ELP1: variants seen among roughly 807,000 people sequenced by gnomAD.
ELP1 encodes the protein elongator acetyltransferase complex subunit 1, also known as elongator complex protein 1.
Under a neutral mutation model 183.2 loss-of-function variants are expected in ELP1, and 131 were observed. The observed-to-expected ratio is 0.72, with a 90% CI of 0.62 to 0.83. The LOEUF (loss-of-function observed/expected upper bound fraction) is 0.83, where lower values mean the gene tolerates loss of function less well. Ranked by LOEUF, ELP1 falls within the 40% of genes least tolerant of loss-of-function variation. The pLI, the probability that ELP1 is intolerant of heterozygous loss-of-function variation, is 0.00. For missense variants in ELP1, 1,550 were observed against 1,594.9 expected (o/e 0.97, Z 0.48); for synonymous variants, 555 against 569.0 (o/e 0.98, Z 0.35).
chr9:108,882,214 C>A, intron 29 of ELP1, 27 bp from the exon 30 acceptor site: 1 of 1,604,500 alleles, frequency 6.2e-7, no homozygotes, highest in Non-Finnish European at 8.5e-7. Flanking sequence ...AAGAAGACAA[C>A]AAGTGAAGAG....
intron 35 of ELP1, among the ~76,000 whole-genome samples, chr9:108,877,444 C>A (rs948688403): frequency 1.3e-5 from 2 of 152,116 alleles, no homozygotes; most frequent in African/African-American, 4.8e-5. Context: ...TAACAATAGA[C>A]TTGAAGTATA....
rs559086783 is a variant in ELP1 at position 108,912,890 on chromosome 9, G to A, written c.959-396C>T. On this transcript the variant is annotated intron_variant, in intron 10 of 36. Coordinates refer to ENST00000374647, the MANE Select transcript of ELP1 (RefSeq NM_003640.5). Reference sequence around the variant, plus strand: ...CTGCCTCAGCCTCTCGAGTAGCTAGGACTACAGGCGCCCACCACCACACCC... The same window carrying A: ...CTGCCTCAGCCTCTCGAGTAGCTAGAACTACAGGCGCCCACCACCACACCC... 6.9e-4 allele frequency among the ~76,000 whole-genome samples: 104 copies of A among 150,616 alleles called. 4 individuals are homozygous for A. The South Asian group carries it at 0.021, about 31-fold the overall frequency.
intron 1 of ELP1, among the ~76,000 whole-genome samples, chr9:108,932,970 C>T (rs2132056655): frequency 6.6e-6 from 1 of 152,286 alleles, no homozygotes; most frequent in African/African-American, 2.4e-5. Flanking sequence ...CTTGCTCCTT[C>T]GACTATCCAC....
intron 6 of ELP1, 42 bp from the exon 7 acceptor site, chr9:108,919,391 A>AG: frequency 3.8e-6 from 5 of 1,328,288 alleles, no homozygotes; most frequent in East Asian, 2.3e-5. Flanking sequence ...GGGGACCTTA[A>AG]GTATCCCAGA....
At chr9:108,871,660 C>T (rs1827465114) in intron 36 of ELP1, among the ~76,000 whole-genome samples, 1 of 152,176 alleles carries the variant, frequency 6.6e-6, no homozygotes, top group African/African-American at 2.4e-5. Flanking sequence ...CAAAGCCAAA[C>T]CTCTTTCTAA....
intron 12 of ELP1, 30 bp downstream of exon 12, chr9:108,910,980 G>C: frequency 6.2e-7 from 1 of 1,607,022 alleles, no homozygotes; most frequent in Non-Finnish European, 8.5e-7. Flanking sequence ...ACTTGATTCA[G>C]AACATCTTGG....
chr9:108,903,735 GATTTTGA>G, intron 14 of ELP1, 66 bp from the exon 15 acceptor site: 1 of 1,171,986 alleles, frequency 8.5e-7, no homozygotes, highest in Non-Finnish European at 1.3e-6. Flanking sequence ...ACATTTCACT[GATTTTGA>G]AAATCAACAA....
chr9:108,907,213 C>G (rs1829053911), intron 13 of ELP1, among the ~76,000 whole-genome samples: 2 of 152,194 alleles, frequency 1.3e-5, no homozygotes, highest in Non-Finnish European at 2.9e-5. Flanking sequence ...TCTTTGCCAA[C>G]CCCAAACCTA....
At chr9:108,884,210 C>T (rs1287431104) in intron 29 of ELP1, among the ~76,000 whole-genome samples, 2 of 152,154 alleles carry the variant, frequency 1.3e-5, no homozygotes, top group Admixed American at 6.5e-5. Context: ...AAAATGAATA[C>T]ATCTATAACA....
rs930566431 is a variant in ELP1, at chr9:108,879,446, G to A, written c.3572C>T (p.Ala1191Val). ...KYSHSNSRIS[A>V]RSSKNRRKAE... The stretch of plus-strand genomic sequence containing the variant: ...TGTGCTGAATCAATGTGATACGTAC[G>A]CTGATATCCTGGAGTTACTATGGGA... Residue 1191 changes from alanine (A) to valine (V), a missense_variant and splice_region_variant, in exon 33 of 37, where the codon GCG (alanine) becomes GTG (valine). Transcript: ENST00000374647. The A allele has an allele frequency of 3.4e-5, 54 of 1,601,130 alleles. No homozygotes were observed. Among genetic ancestry groups the A allele is most frequent in the Non-Finnish European group, 4.2e-5 (49 of 1,168,276 alleles).
At chr9:108,869,344 G>A (rs1827350186) in intron 36 of ELP1, among the ~76,000 whole-genome samples, 162 bp from the exon 37 acceptor site, 1 of 152,146 alleles carries the variant, frequency 6.6e-6, no homozygotes, top group African/African-American at 2.4e-5. Context: ...CTCCAGGTCA[G>A]AGCAAACACA....
chr9:108,909,198 C>T (rs992321217), intron 12 of ELP1, among the ~76,000 whole-genome samples: 9 of 151,974 alleles, frequency 5.9e-5, no homozygotes, highest in Non-Finnish European at 1.0e-4. Flanking sequence ...TTAAGCTCTC[C>T]CTACCCCTTA....
chr9:108,871,634 A>G (rs1199214750), intron 36 of ELP1, among the ~76,000 whole-genome samples: 1 of 152,158 alleles, frequency 6.6e-6, no homozygotes. Context: ...TGCTTTTCCT[A>G]TTATCCAGAC....
At chr9:108,916,770 G>A (rs900513104) in intron 9 of ELP1, among the ~76,000 whole-genome samples, 1 of 152,184 alleles carries the variant, frequency 6.6e-6, no homozygotes, top group African/African-American at 2.4e-5. Context: ...GATGAAAATA[G>A]TTTTGCAAAA....
At chr9:108,900,696 A>C (rs986252349) in intron 18 of ELP1, among the ~76,000 whole-genome samples, 19 of 152,222 alleles carry the variant, frequency 1.2e-4, no homozygotes, top group African/African-American at 4.3e-4. Flanking sequence ...AATGAAAGAA[A>C]GATTCCCTAT....
chr9:108,922,781 G>A, intron 6 of ELP1, 61 bp downstream of exon 6: 2 of 1,261,816 alleles, frequency 1.6e-6, no homozygotes, highest in Non-Finnish European at 1.2e-6. Flanking sequence ...AAGAGTTCCT[G>A]GTGGGTGGCA....
At chr9:108,872,853 TA>T (rs1827541254) in intron 36 of ELP1, among the ~76,000 whole-genome samples, 1 of 108,408 alleles carries the variant, frequency 9.2e-6, no homozygotes, top group Non-Finnish European at 1.8e-5. Context: ...GTTACAAAAA[TA>T]ATGTGCTCTA....
At chr9:108,900,856 C>T (rs1485614832) in intron 18 of ELP1, among the ~76,000 whole-genome samples, 1 of 26,434 alleles carries the variant, frequency 3.8e-5, no homozygotes, top group Non-Finnish European at 7.3e-5. Context: ...CACACATACA[C>T]GCCACACACA....
chr9:108,901,308 C>G, intron 18 of ELP1, 117 bp downstream of exon 18: 1 of 734,060 alleles, frequency 1.4e-6, no homozygotes, highest in Admixed American at 2.1e-5. Flanking sequence ...TAAAGATTTT[C>G]TCCAGCCTAG....
Sources: gnomAD v4.1 joint callset for allele counts (sites outside exome capture counted in the v4.1 genomes callset) on GRCh38, gnomAD v4.1.1 for gene constraint, MANE v1.5 for transcripts, NCBI Gene and HGNC (gene_info 2026-07-23, HGNC 2026-07-21) for gene names.